MARK3: variants seen among roughly 807,000 people sequenced by gnomAD.
MARK3 encodes the protein microtubule affinity regulating kinase 3, also known as MAP/microtubule affinity-regulating kinase 3.
In MARK3, 46 loss-of-function variants were observed where a neutral mutation model predicts 90.1. The ratio of observed to expected loss-of-function variants is 0.51; its 90% confidence interval spans 0.40 to 0.65. The LOEUF is 0.65. Ranked by LOEUF, MARK3 falls within the 30% of genes least tolerant of loss-of-function variation. MARK3 has a pLI of 0.00. For missense variants in MARK3, 818 were observed against 947.2 expected, an observed-to-expected ratio of 0.86 and a Z score of 1.79; for synonymous variants, 321 against 332.6, an observed-to-expected ratio of 0.97 and a Z score of 0.38.
intron 3 of MARK3, among the ~76,000 whole-genome samples, chr14:103,430,167 T>G (rs1289852193): frequency 6.6e-6 from 1 of 152,200 alleles, no homozygotes; most frequent in African/African-American, 2.4e-5. Flanking sequence ...TTGGTATTAT[T>G]CAAGTATGAA....
intron 17 of MARK3, among the ~76,000 whole-genome samples, chr14:103,500,568 C>T (rs1322924129): frequency 6.6e-6 from 1 of 152,062 alleles, no homozygotes; most frequent in African/African-American, 2.4e-5. Flanking sequence ...ATAGAATGTC[C>T]ATATTTCAAA....
intron 14 of MARK3, among the ~76,000 whole-genome samples, chr14:103,484,902 A>G (rs1164673175): frequency 6.8e-6 from 1 of 146,522 alleles, no homozygotes; most frequent in East Asian, 2.0e-4. Flanking sequence ...GCCTGGCAAC[A>G]GAGCAAGACT....
intron 2 of MARK3, among the ~76,000 whole-genome samples, chr14:103,405,748 ATT>A (rs869133624): frequency 8.7e-4 from 123 of 141,030 alleles, no homozygotes; most frequent in African/African-American, 3.2e-3. Context: ...CACCACGCTA[ATT>A]TTTTTTTTTT....
chr14:103,452,471 C>CTTTTTTTTTTTTTTTTTTTGTTTTTT (rs71126026), intron 5 of MARK3, among the ~76,000 whole-genome samples: 1 of 97,472 alleles, frequency 1.0e-5, no homozygotes, highest in African/African-American at 3.2e-5. Flanking sequence ...CAGGATTTGT[C>CTTTTTTTTTTTTTTTTTTTGTTTTTT]TTTTTTTTTT....
intron 2 of MARK3, among the ~76,000 whole-genome samples, chr14:103,410,335 C>G (rs986655048): frequency 2.0e-5 from 3 of 152,158 alleles, no homozygotes; most frequent in African/African-American, 7.2e-5. Context: ...CCCTTGCAAT[C>G]TGATTGCCTC....
chr14:103,445,129 G>A (rs890554183), intron 3 of MARK3, among the ~76,000 whole-genome samples: 2 of 151,792 alleles, frequency 1.3e-5, no homozygotes, highest in Admixed American at 6.6e-5. Flanking sequence ...TGAGATGAAC[G>A]TAGACTTTGG....
At chr14:103,464,206 CATT>C (rs1282329915) in intron 7 of MARK3, among the ~76,000 whole-genome samples, 3 of 150,828 alleles carry the variant, frequency 2.0e-5, no homozygotes, top group Admixed American at 6.6e-5. Flanking sequence ...TCTTGTTCAT[CATT>C]ATCCATCCAG....
At chr14:103,429,359 C>G (rs2092510395) in intron 3 of MARK3, 1 of 152,190 alleles carries the variant, frequency 6.6e-6, no homozygotes, top group Non-Finnish European at 1.5e-5. Context: ...ATAATTTCAT[C>G]TTCTTATGAT....
chr14:103,432,676 C>T (rs907193014), intron 3 of MARK3, among the ~76,000 whole-genome samples: 1 of 152,000 alleles, frequency 6.6e-6, no homozygotes, highest in African/African-American at 2.4e-5. Flanking sequence ...CACAGAGAGA[C>T]CCGTCTCTAC....
At chr14:103,442,364 C>G (rs988662139) in intron 3 of MARK3, among the ~76,000 whole-genome samples, 3 of 39,200 alleles carry the variant, frequency 7.7e-5, no homozygotes, top group Non-Finnish European at 1.7e-4. Flanking sequence ...AGTGAGACTC[C>G]GTCTCAAAAA....
At chr14:103,412,738 G>A (rs1333921079) in intron 2 of MARK3, 2 of 554,320 alleles carry the variant, frequency 3.6e-6, no homozygotes, top group Non-Finnish European at 6.9e-6. Flanking sequence ...CATCCAGGGT[G>A]TCGTGAGAGA....
chr14:103,421,056 C>T (rs140742313), intron 2 of MARK3, among the ~76,000 whole-genome samples: 2 of 152,264 alleles, frequency 1.3e-5, no homozygotes, highest in African/African-American at 4.8e-5. Flanking sequence ...ATAGCCTTGC[C>T]ATGGATAAAA....
intron 5 of MARK3, among the ~76,000 whole-genome samples, chr14:103,454,357 A>G (rs1007271325): frequency 8.6e-5 from 13 of 151,918 alleles, no homozygotes; most frequent in Non-Finnish European, 1.9e-4. Context: ...GGTTCAAGCA[A>G]TTCTCCTGCC....
chr14:103,433,918 CT>C (rs1303739648), intron 3 of MARK3, among the ~76,000 whole-genome samples: 2 of 152,154 alleles, frequency 1.3e-5, no homozygotes, highest in African/African-American at 2.4e-5. Context: ...TTTGGTCAGG[CT>C]TTCACCTAGG....
At position 103,503,414 on chromosome 14, in the gene MARK3, G is replaced by T. The variant is rs1264112957; in HGVS notation, c.*187G>T. 3.3e-6 allele frequency: 2 copies of T among 606,650 alleles called. No homozygotes were observed. Among genetic ancestry groups the T allele is most frequent in the Non-Finnish European group, 5.7e-6 (2 of 351,384 alleles). 37.6% of individuals were successfully genotyped at this position (606,650 alleles called of 1,614,324 possible). The stretch of plus-strand genomic sequence containing the variant: ...TCTACGAATGCACTACATTAAAGAT[G>T]TGCAACCTATGCGCCCCCTGCCCTA... On this transcript the variant is annotated 3_prime_UTR_variant, in exon 18 of 18. Coordinates refer to ENST00000429436, the MANE Select transcript of MARK3 (RefSeq NM_001128918.3).
rs116768144 is a variant in MARK3 at position 103,483,013 on chromosome 14, C to T, written c.1586+2523C>T. On this transcript the variant is annotated intron_variant, in intron 14 of 17. Transcript: ENST00000429436. The stretch of plus-strand genomic sequence containing the variant: ...TAATATTTGGACTTTCCTTTCCTAT[C>T]TTATAAATGAATTAAAAGACTGGAA... 4.3e-3 allele frequency among the ~76,000 whole-genome samples: 651 copies of T among 152,282 alleles called. 5 individuals are homozygous for T. Among genetic ancestry groups the T allele is most frequent in the African/African-American group, 0.015 (628 of 41,554 alleles).
chr14:103,487,725 A>C (rs2141968961), intron 14 of MARK3, among the ~76,000 whole-genome samples: 1 of 152,276 alleles, frequency 6.6e-6, no homozygotes, highest in Admixed American at 6.5e-5. Context: ...CACAAGAGAT[A>C]GTTGTATTTA....
intron 1 of MARK3, among the ~76,000 whole-genome samples, chr14:103,389,528 C>CAAAAAAAAAAAAAAAAAA (rs67737305): frequency 1.0e-4 from 5 of 49,854 alleles, no homozygotes; most frequent in African/African-American, 3.3e-4. Context: ...ACTCTGTCTC[C>CAAAAAAAAAAAAAAAAAA]AAAAAAAAAA....
At chr14:103,446,710 CT>C (rs746523547) in intron 3 of MARK3, among the ~76,000 whole-genome samples, 31 of 98,038 alleles carry the variant, frequency 3.2e-4, no homozygotes, top group African/African-American at 1.7e-3. Context: ...AGATTGTTGT[CT>C]TTTTTTTTTT....
Sources: gnomAD v4.1 joint callset for allele counts (sites outside exome capture counted in the v4.1 genomes callset) on GRCh38, gnomAD v4.1.1 for gene constraint, MANE v1.5 for transcripts, NCBI Gene and HGNC (gene_info 2026-07-23, HGNC 2026-07-21) for gene names.